Variants in TACC1 observed in about 807,000 individuals in gnomAD.
The protein encoded by TACC1 is transforming acidic coiled-coil-containing protein 1.
A neutral mutation model predicts 84.4 loss-of-function variants in TACC1; 48 were observed. The observed-to-expected ratio is 0.57, with a 90% CI of 0.45 to 0.72. The LOEUF (loss-of-function observed/expected upper bound fraction) is 0.72, where lower values mean the gene tolerates loss of function less well. Among genes scored for constraint, TACC1 ranks in the 30% least tolerant of loss-of-function variants. The pLI, the probability that TACC1 is intolerant of heterozygous loss-of-function variation, is 0.00. For missense variants in TACC1, 920 were observed against 973.0 expected, an observed-to-expected ratio of 0.95 and a Z score of 0.72; for synonymous variants, 372 against 376.3, an observed-to-expected ratio of 0.99 and a Z score of 0.13.
chr8:38,780,588 ACTAGT>A (rs1469638496), intron 3 of TACC1, among the ~76,000 whole-genome samples: 1 of 150,756 alleles, frequency 6.6e-6, no homozygotes, highest in Non-Finnish European at 1.5e-5. Flanking sequence ...GTCTTGTAGG[ACTAGT>A]CTATTCTTCA....
chr8:38,789,831 C>T (rs1443684857), intron 2 of TACC1, among the ~76,000 whole-genome samples: 3 of 152,128 alleles, frequency 2.0e-5, no homozygotes, highest in Non-Finnish European at 4.4e-5. Context: ...GAGGACCAGC[C>T]AGGAGGTCAG....
At chr8:38,791,937 T>C (rs1300359640) in intron 2 of TACC1, among the ~76,000 whole-genome samples, 1 of 152,244 alleles carries the variant, frequency 6.6e-6, no homozygotes, top group Non-Finnish European at 1.5e-5. Flanking sequence ...AAATGACTTT[T>C]CTTATACTGG....
At chr8:38,793,233 T>C (rs1011036052) in intron 2 of TACC1, among the ~76,000 whole-genome samples, 1 of 152,182 alleles carries the variant, frequency 6.6e-6, no homozygotes, top group Admixed American at 6.5e-5. Flanking sequence ...ATAAATGGGA[T>C]CTGTGCACAG....
chr8:38,801,138 A>C (rs1821264191), intron 2 of TACC1, among the ~76,000 whole-genome samples: 1 of 152,218 alleles, frequency 6.6e-6, no homozygotes, highest in African/African-American at 2.4e-5. Flanking sequence ...TTCTAGATGC[A>C]AATTCCTTAT....
Position 38,831,112 on chromosome 8 carries a change from C to G in TACC1, c.1661-13C>G, listed in dbSNP as rs969052789. 4 of 1,613,896 alleles carry G rather than the reference C, an allele frequency of 2.5e-6. No homozygotes were observed. The Admixed American group carries it at 6.7e-5, about 27-fold the overall frequency. Reference sequence around the variant, plus strand: ...CTTCTTGGGATAACTATAAAAATGACTTTCTGTCTTAGGCATAGAGAAGGA... The same window carrying G: ...CTTCTTGGGATAACTATAAAAATGAGTTTCTGTCTTAGGCATAGAGAAGGA... On this transcript the variant is annotated splice_polypyrimidine_tract_variant and intron_variant, in intron 5 of 12. Coordinates refer to ENST00000317827, the MANE Select transcript of TACC1 (RefSeq NM_006283.3).
intron 3 of TACC1, among the ~76,000 whole-genome samples, chr8:38,779,445 G>A (rs991158973): frequency 2.6e-5 from 4 of 152,222 alleles, no homozygotes; most frequent in Admixed American, 6.5e-5. Flanking sequence ...GGAGTGGTGA[G>A]CACTGCTAGG....
chr8:38,757,172 C>A (rs118155490), intron 3 of TACC1: 196,017 of 878,884 alleles, frequency 0.22, 25,018 homozygotes, highest in Non-Finnish European at 0.24. Context: ...CCACCTCCTT[C>A]CCCGCTTTCC....
chr8:38,755,878 G>T (rs1043307914), intron 3 of TACC1, among the ~76,000 whole-genome samples: 1 of 151,558 alleles, frequency 6.6e-6, no homozygotes, highest in African/African-American at 2.4e-5. Context: ...GCAGTGGCGC[G>T]ATCTCGGCTC....
chr8:38,794,853 A>T (rs765709881), intron 2 of TACC1, among the ~76,000 whole-genome samples: 12 of 152,184 alleles, frequency 7.9e-5, no homozygotes, highest in Non-Finnish European at 1.3e-4. Context: ...CAGCAGTCCA[A>T]CCCATGTGGC....
chr8:38,732,541 A>G (rs914164058), intron 1 of TACC1, among the ~76,000 whole-genome samples: 1 of 152,210 alleles, frequency 6.6e-6, no homozygotes, highest in African/African-American at 2.4e-5. Context: ...TGATCTTGAA[A>G]CTAGTTTGCC....
At chr8:38,793,621 T>C (rs1404637503) in intron 2 of TACC1, among the ~76,000 whole-genome samples, 1 of 152,086 alleles carries the variant, frequency 6.6e-6, no homozygotes, top group Non-Finnish European at 1.5e-5. Context: ...AATATATATT[T>C]TGGTAGATAT....
chr8:38,830,627 CAAGG>C (rs80290948), intron 5 of TACC1, among the ~76,000 whole-genome samples: 24,759 of 152,158 alleles, frequency 0.16, 2,696 homozygotes, highest in Non-Finnish European at 0.24. Context: ...AGACCTGAGA[CAAGG>C]AAGCCCATTT....
chr8:38,758,678 CAAAAAAA>C (rs773304871), intron 3 of TACC1, among the ~76,000 whole-genome samples: 8 of 26,108 alleles, frequency 3.1e-4, no homozygotes, highest in African/African-American at 3.6e-4. Context: ...GACTCCATCT[CAAAAAAA>C]AAAAAAAAAA....
intron 3 of TACC1, among the ~76,000 whole-genome samples, chr8:38,746,137 A>T (rs1428416798): frequency 6.6e-6 from 1 of 152,148 alleles, no homozygotes; most frequent in Admixed American, 6.5e-5. Context: ...TGAAAGTGTT[A>T]TGTTATTTTA....
At position 38,787,582 on chromosome 8, in the gene TACC1, C is replaced by G; in HGVS notation, c.-1C>G. 1 of 1,539,980 alleles carries G rather than the reference C, an allele frequency of 6.5e-7. No individual in the cohort carries two copies. The highest frequency in any genetic ancestry group is 8.8e-7 in the Non-Finnish European group (1 of 1,142,078). ...GAGCTGGAGCCGGAGGAGCCGCGCT[C>G]ATGGCGTTCAGCCCGTGGCAGATCC... On this transcript the variant is annotated 5_prime_UTR_variant, in exon 1 of 13. Transcript: ENST00000317827.
intron 3 of TACC1, chr8:38,823,864 C>A: frequency 1.7e-6 from 1 of 593,580 alleles, no homozygotes; most frequent in Non-Finnish European, 2.9e-6. Context: ...ATTTGTATCT[C>A]ACCTCATAGA....
At chr8:38,783,349 G>C (rs114054561), upstream of TACC1, among the ~76,000 whole-genome samples, 8 of 151,868 alleles carry the variant, frequency 5.3e-5, no homozygotes, top group African/African-American at 1.7e-4. Context: ...GACCCCAGGT[G>C]GGGGGCTCAG....
Position 38,787,476 on chromosome 8 carries a change from A to G in TACC1, c.-107A>G, listed in dbSNP as rs1817522305. ...TTAACCACATCCGCGCCTCTGCTGG[A>G]AACGCTTGCTGGCGCCTGTCACCGG... On this transcript the variant is annotated 5_prime_UTR_variant, in exon 1 of 13. Transcript: ENST00000317827. The G allele has an allele frequency of 3.6e-6, 5 of 1,397,158 alleles. No individual in the cohort carries two copies. Among genetic ancestry groups the G allele is most frequent in the Middle Eastern group, 5.3e-4 (2 of 3,790 alleles). The allele number at this position is 1,397,158 out of a possible 1,614,324, so 86.5% of individuals were successfully genotyped here.
chr8:38,807,781 A>G (rs781232454), intron 2 of TACC1, among the ~76,000 whole-genome samples: 2 of 152,262 alleles, frequency 1.3e-5, no homozygotes, highest in Non-Finnish European at 2.9e-5. Flanking sequence ...TATTTTCAAC[A>G]TAACAGGGTA....
Sources: allele counts gnomAD v4.1 joint callset (sites outside exome capture counted in the v4.1 genomes callset), GRCh38; gene constraint gnomAD v4.1.1; transcripts MANE v1.5; gene names NCBI Gene and HGNC (gene_info 2026-07-23, HGNC 2026-07-21).